Variants in GTPBP4 observed in about 807,000 individuals in gnomAD.
GTPBP4 encodes the protein GTP binding protein 4.
GTPBP4 carries 15 observed loss-of-function variants against 81.7 expected under a neutral mutation model. The observed-to-expected ratio is 0.18, with a 90% CI of 0.12 to 0.28. GTPBP4 has a LOEUF of 0.28. GTPBP4 is among the 10% of genes least tolerant of loss of function. The pLI is 1.00. For synonymous variants in GTPBP4, 272 were observed against 274.6 expected (o/e 0.99, Z 0.09); for missense variants, 847 against 793.8 (o/e 1.07, Z -0.81).
intron 10 of GTPBP4, chr10:1,008,453 G>T: frequency 3.0e-6 from 1 of 330,042 alleles, no homozygotes; most frequent in Non-Finnish European, 5.9e-6. Flanking sequence ...AGCTTTTTTG[G>T]ATAGTCTTCA....
At chr10:1,005,520 C>T (rs1031964673) in intron 8 of GTPBP4, among the ~76,000 whole-genome samples, 4 of 152,158 alleles carry the variant, frequency 2.6e-5, no homozygotes, top group Non-Finnish European at 4.4e-5. Context: ...TCCTGTGATG[C>T]CCTCTGGAGC....
rs761688394 is a variant in GTPBP4 at position 1,019,573 on chromosome 10, G to A, written c.*2346G>A. 3 of 1,613,952 alleles carry A rather than the reference G, an allele frequency of 1.9e-6. No individual in the cohort carries two copies. Among genetic ancestry groups the A allele is most frequent in the Admixed American group, 1.7e-5 (1 of 59,992 alleles). On this transcript the variant is annotated 3_prime_UTR_variant, in exon 17 of 17. Transcript: ENST00000360803. The stretch of plus-strand genomic sequence containing the variant: ...AACGGGGTCACGTCATCCAGGTGAG[G>A]CCACCACCGGTACAGAAACCTCTCG...
At chr10:1,009,058 C>T (rs760748119) in intron 11 of GTPBP4, 23 bp downstream of exon 11, 6 of 1,555,370 alleles carry the variant, frequency 3.9e-6, no homozygotes, top group Admixed American at 1.7e-5. Flanking sequence ...AGCTCTCGCC[C>T]AGTGTTCTCA....
chr10:1,008,704 G>A (rs559719294), intron 10 of GTPBP4, among the ~76,000 whole-genome samples: 16 of 151,858 alleles, frequency 1.1e-4, no homozygotes, highest in African/African-American at 3.9e-4. Context: ...GAATCACTTT[G>A]TGGAGTCCTC....
rs962389556 is a variant in GTPBP4, at chr10:1,009,523, T to A, written c.1192-6T>A. ...AAGCTGATGATAATTTCTCTTTCTATTGCAGGAACGAGATCTTGAGCTGGA... is the reference window on the plus strand; with the variant it reads ...AAGCTGATGATAATTTCTCTTTCTAATGCAGGAACGAGATCTTGAGCTGGA... On this transcript the variant is annotated splice_region_variant and splice_polypyrimidine_tract_variant and intron_variant, in intron 11 of 16. Coordinates refer to ENST00000360803, the MANE Select transcript of GTPBP4 (RefSeq NM_012341.3). The A allele has an allele frequency of 1.3e-5, 21 of 1,594,000 alleles. No individual in the cohort carries two copies. The highest frequency in any genetic ancestry group is 1.8e-5 in the Non-Finnish European group (21 of 1,161,614).
At chr10:1,003,266 C>T (rs939924823) in intron 8 of GTPBP4, among the ~76,000 whole-genome samples, 1 of 152,154 alleles carries the variant, frequency 6.6e-6, no homozygotes, top group Non-Finnish European at 1.5e-5. Context: ...ATTTCTGTCT[C>T]AGTTTAAGTT....
At chr10:994,420 G>C (rs937635741) in intron 2 of GTPBP4, among the ~76,000 whole-genome samples, 1 of 151,936 alleles carries the variant, frequency 6.6e-6, no homozygotes, top group East Asian at 1.9e-4. Context: ...AGGCATGTGC[G>C]ACTATACCCG....
chr10:1,017,141 G>A lies in GTPBP4; in HGVS notation c.1819G>A (p.Gly607Arg), dbSNP rs1333091683. The change falls in exon 17 of 17, where the codon GGG becomes AGG. Residue 607 changes from glycine (G) to arginine (R), a missense_variant. By Grantham distance (125) the Gly-to-Arg change is moderately radical. Around this residue, in one of 3 missense-constraint regions of GTPBP4, gnomAD observed 600 missense variants for 557.1 expected, o/e 1.08. Transcript: ENST00000360803. ...GAAGATGAATCGGTTGGGGAAGAAA[G>A]GGGAGGCGGATAGACACGTGTTTGA... is the stretch of plus-strand genomic sequence containing the variant. The part of the protein sequence containing the change: ...QKKMNRLGKK[G>R]EADRHVFDMK... 1.2e-6 allele frequency: 2 copies of A among 1,613,890 alleles called. No individual in the cohort carries two copies. Among genetic ancestry groups the A allele is most frequent in the East Asian group, 2.2e-5 (1 of 44,890 alleles).
Position 1,009,006 on chromosome 10 carries a change from A to G in GTPBP4, c.1162A>G (p.Met388Val), listed in dbSNP as rs114068451. Residue 388 changes from methionine to valine, a missense_variant, in exon 11 of 17, where the codon ATG becomes GTG. Met to Val is a conservative substitution (Grantham distance 21, BLOSUM62 1). This residue lies in a region of GTPBP4 where 600 missense variants were observed against 557.1 expected (regional missense o/e 1.08). Coordinates refer to ENST00000360803, the MANE Select transcript of GTPBP4 (RefSeq NM_012341.3). ...AGGAGTGGTGGCTCGCAGGAAGAGGATGGAAACTGAGGAGTCCAGGAAGAA... is the reference window on the plus strand; with the variant it reads ...AGGAGTGGTGGCTCGCAGGAAGAGGGTGGAAACTGAGGAGTCCAGGAAGAA... ...PEGVVARRKR[M>V]ETEESRKKRE... The G allele has an allele frequency of 1.0e-3, 1,669 of 1,612,786 alleles. 11 individuals carry two copies. The African/African-American group carries it at 0.015, about 15-fold the overall frequency.
At chr10:1,014,169 C>T in intron 14 of GTPBP4, 78 bp from the exon 15 acceptor site, 1 of 837,434 alleles carries the variant, frequency 1.2e-6, no homozygotes, top group South Asian at 1.4e-5. Flanking sequence ...AATATGTATA[C>T]ATATATATTG....
In GTPBP4 at chr10:1,005,667, A is replaced by G. The variant is rs1387395058; in HGVS notation, c.913-151A>G. The G allele has an allele frequency of 8.5e-6, 5 of 587,190 alleles. No homozygotes were observed. In the Admixed American group the frequency reaches 1.5e-4, roughly 18 times the overall value. The allele number at this position is 587,190 out of a possible 1,614,324, so 36.4% of individuals were successfully genotyped here. On this transcript the variant is annotated intron_variant, in intron 8 of 16. Coordinates refer to ENST00000360803, the MANE Select transcript of GTPBP4 (RefSeq NM_012341.3). ...TTGATCATAGAAGAATATGAAGAAA[A>G]TAACTGTTTTTAGGATATGTCTGTT...
intron 5 of GTPBP4, among the ~76,000 whole-genome samples, chr10:998,005 C>G (rs191459776): frequency 6.6e-6 from 1 of 152,198 alleles, no homozygotes; most frequent in East Asian, 1.9e-4. Context: ...CAACCAGCAA[C>G]AGCTCATGTG....
chr10:999,554 G>C (rs1831588068), intron 6 of GTPBP4, among the ~76,000 whole-genome samples: 1 of 152,252 alleles, frequency 6.6e-6, no homozygotes, highest in South Asian at 2.1e-4. Context: ...ATATAATTCA[G>C]GGGAGGCAGC....
At chr10:1,003,124 C>G (rs992504656) in intron 8 of GTPBP4, among the ~76,000 whole-genome samples, 2 of 147,846 alleles carry the variant, frequency 1.4e-5, no homozygotes, top group African/African-American at 5.0e-5. Context: ...CTTTTTTTCT[C>G]TCTGACTAGG....
chr10:1,002,131 C>G (rs1831646231), intron 8 of GTPBP4, among the ~76,000 whole-genome samples: 1 of 152,112 alleles, frequency 6.6e-6, no homozygotes, highest in Non-Finnish European at 1.5e-5. Context: ...CCATACCGGC[C>G]AGGCTGGTCT....
intron 1 of GTPBP4, among the ~76,000 whole-genome samples, chr10:991,481 CT>C (rs960059508): frequency 2.0e-5 from 3 of 152,104 alleles, no homozygotes; most frequent in Non-Finnish European, 2.9e-5. Flanking sequence ...CCTTCCATCT[CT>C]TTGGAAATTA....
At chr10:1,014,224 A>G (rs546098376) in intron 14 of GTPBP4, 23 bp from the exon 15 acceptor site, 2 of 1,462,204 alleles carry the variant, frequency 1.4e-6, no homozygotes, top group African/African-American at 1.4e-5. Flanking sequence ...TTTAAAGCTA[A>G]TATTTCTTTT....
Position 1,008,963 on chromosome 10 carries a change from G to T in GTPBP4, c.1119G>T (p.Arg373Ser). 6.2e-7 allele frequency: 1 copy of T among 1,607,026 alleles called. No homozygotes were observed. The highest frequency in any genetic ancestry group is 8.5e-7 in the Non-Finnish European group (1 of 1,173,524). ...TTTATATGGGATCTTCTCAGGAGAG[G>T]CCCCCTTTCATCCCTGAAGGAGTGG... ...AIPTRRDDKE[R>S]PPFIPEGVVA... The change falls in exon 11 of 17, where the codon AGG (arginine) becomes AGT (serine). Residue 373 changes from arginine to serine, a missense_variant. By Grantham distance (110) the Arg-to-Ser change is moderately radical. Coordinates refer to ENST00000360803, the MANE Select transcript of GTPBP4 (RefSeq NM_012341.3).
At chr10:1,001,474 T>C (rs1468704023) in intron 8 of GTPBP4, among the ~76,000 whole-genome samples, 1 of 152,220 alleles carries the variant, frequency 6.6e-6, no homozygotes, top group African/African-American at 2.4e-5. Flanking sequence ...GCAGTATTGT[T>C]GGACATAATT....
Sources: allele counts gnomAD v4.1 joint callset (sites outside exome capture counted in the v4.1 genomes callset), GRCh38; gene constraint gnomAD v4.1.1; regional missense constraint gnomAD v4.1.1; transcripts MANE v1.5; gene names NCBI Gene and HGNC (gene_info 2026-07-23, HGNC 2026-07-21).